The following KATNAL2 variants were observed in gnomAD, a reference collection of about 807,000 sequenced individuals.
The protein encoded by KATNAL2 is katanin catalytic subunit A1 like 2.
A neutral mutation model predicts 76.3 loss-of-function variants in KATNAL2; 52 were observed. The ratio of observed to expected loss-of-function variants is 0.68; its 90% CI spans 0.55 to 0.86. The LOEUF (loss-of-function observed/expected upper bound fraction) is 0.86, where lower values mean the gene tolerates loss of function less well. Among genes scored for constraint, KATNAL2 ranks in the 40% least tolerant of loss-of-function variants. The pLI is 0.00. For missense variants in KATNAL2, 660 were observed against 668.9 expected, an observed-to-expected ratio of 0.99 and a Z score of 0.15; for synonymous variants, 243 against 244.2, an observed-to-expected ratio of 1.00 and a Z score of 0.05.
At chr18:46,936,104 C>CA (rs1170533784) in intron 1 of KATNAL2, among the ~76,000 whole-genome samples, 4 of 152,104 alleles carry the variant, frequency 2.6e-5, no homozygotes, top group Non-Finnish European at 5.9e-5. Flanking sequence ...GAGAAACAGA[C>CA]AAAATCCACT....
intron 6 of KATNAL2, among the ~76,000 whole-genome samples, chr18:47,056,786 T>A (rs1041009740): frequency 6.6e-6 from 1 of 151,820 alleles, no homozygotes; most frequent in Non-Finnish European, 1.5e-5. Context: ...ACAAGGATGG[T>A]GAGGCAAGTT....
chr18:47,086,844 A>G (rs138908704), intron 15 of KATNAL2, among the ~76,000 whole-genome samples: 1 of 152,342 alleles, frequency 6.6e-6, no homozygotes, highest in Non-Finnish European at 1.5e-5. Flanking sequence ...ACTAAGCAGT[A>G]ACCTTGCTCT....
intron 3 of KATNAL2, chr18:47,035,656 T>C (rs2060740323): frequency 2.6e-6 from 1 of 391,732 alleles, no homozygotes; most frequent in Non-Finnish European, 4.9e-6. Flanking sequence ...TACGTACTCA[T>C]GCCGTCAGCA....
At chr18:47,087,752 C>CTG (rs35852657) in intron 15 of KATNAL2, among the ~76,000 whole-genome samples, 4,696 of 148,512 alleles carry the variant, frequency 0.032, 180 homozygotes, top group African/African-American at 0.095. Flanking sequence ...TCTTTTACAT[C>CTG]TGTGTGTGTG....
At chr18:46,930,383 A>G (rs1286869764) in intron 1 of KATNAL2, among the ~76,000 whole-genome samples, 1 of 152,226 alleles carries the variant, frequency 6.6e-6, no homozygotes, top group Non-Finnish European at 1.5e-5. Flanking sequence ...AAATTTATAG[A>G]CTATGAGTTA....
intron 3 of KATNAL2, among the ~76,000 whole-genome samples, chr18:46,952,275 A>G (rs1431391025): frequency 6.6e-6 from 1 of 150,662 alleles, no homozygotes; most frequent in Non-Finnish European, 1.5e-5. Context: ...GGATCTCACT[A>G]TGTTGCACAG....
intron 10 of KATNAL2, among the ~76,000 whole-genome samples, chr18:47,066,172 C>T (rs2061786478): frequency 6.6e-6 from 1 of 151,624 alleles, no homozygotes; most frequent in Non-Finnish European, 1.5e-5. Flanking sequence ...TAATTAGTTT[C>T]AGATTTTTTC....
intron 15 of KATNAL2, among the ~76,000 whole-genome samples, chr18:47,096,336 T>TA (rs575480654): frequency 1.3e-5 from 2 of 152,286 alleles, no homozygotes; most frequent in Admixed American, 1.3e-4. Flanking sequence ...TACTCTTTTT[T>TA]AAAAAATATT....
intron 3 of KATNAL2, among the ~76,000 whole-genome samples, chr18:46,955,688 G>A (rs1398670476): frequency 2.6e-5 from 4 of 151,948 alleles, no homozygotes; most frequent in Admixed American, 1.3e-4. Context: ...AGTAGCTGGG[G>A]CCACAGGCAT....
intron 15 of KATNAL2, among the ~76,000 whole-genome samples, chr18:47,089,551 G>T (rs1334747243): frequency 6.6e-6 from 1 of 152,006 alleles, no homozygotes; most frequent in African/African-American, 2.4e-5. Flanking sequence ...GTATCCTCAG[G>T]CCTCATGCTT....
At chr18:46,963,211 C>CT in intron 3 of KATNAL2, 3 of 1,080,920 alleles carry the variant, frequency 2.8e-6, no homozygotes, top group Non-Finnish European at 3.7e-6. Context: ...TCCTTGAAGT[C>CT]CTGGAGGCAA....
At chr18:47,034,974 C>T (rs1372768998) in intron 3 of KATNAL2, 1 of 1,611,680 alleles carries the variant, frequency 6.2e-7, no homozygotes, top group Non-Finnish European at 8.5e-7. Flanking sequence ...CCCCGAAGCG[C>T]TGTCGGGAAG....
intron 3 of KATNAL2, chr18:47,035,349 G>A: frequency 6.3e-7 from 1 of 1,598,566 alleles, no homozygotes; most frequent in Non-Finnish European, 8.5e-7. Context: ...GGGGTGGCCG[G>A]TCCTCGCTGC....
intron 15 of KATNAL2, among the ~76,000 whole-genome samples, chr18:47,088,706 G>A (rs1004763106): frequency 2.0e-5 from 3 of 152,196 alleles, no homozygotes; most frequent in African/African-American, 7.2e-5. Flanking sequence ...AGGGACCACA[G>A]ACGTGTGCCA....
chr18:47,051,986 A>G (rs2061353097), intron 4 of KATNAL2, among the ~76,000 whole-genome samples: 1 of 152,246 alleles, frequency 6.6e-6, no homozygotes, highest in Non-Finnish European at 1.5e-5. Context: ...TTCAAATGAA[A>G]CAGAAAGAAC....
intron 3 of KATNAL2, among the ~76,000 whole-genome samples, chr18:47,040,232 G>A (rs560391360): frequency 6.6e-6 from 1 of 152,348 alleles, no homozygotes; most frequent in South Asian, 2.1e-4. Context: ...AATTGTAAAA[G>A]ACATCATTCA....
At chr18:46,952,494 G>T (rs565605556) in intron 3 of KATNAL2, among the ~76,000 whole-genome samples, 25 of 149,594 alleles carry the variant, frequency 1.7e-4, no homozygotes, top group African/African-American at 5.7e-4. Flanking sequence ...CCGCCTCCCG[G>T]GTTCAAGCGA....
chr18:46,951,561 C>T (rs945088154), intron 3 of KATNAL2, among the ~76,000 whole-genome samples: 1 of 151,810 alleles, frequency 6.6e-6, no homozygotes, highest in Non-Finnish European at 1.5e-5. Context: ...AATCCTGCTT[C>T]CTGGGCTCCA....
Position 47,069,270 on chromosome 18 carries a change from G to C in KATNAL2, c.876G>C (p.Leu292=), listed in dbSNP as rs145817907. 3 of 1,610,256 alleles carry C rather than the reference G, an allele frequency of 1.9e-6. No homozygotes were observed. In the African/African-American group the frequency reaches 4.0e-5, roughly 22 times the overall value. The change falls in exon 12 of 18, where the codon CTG becomes CTC. Residue 292 remains leucine (L), a synonymous_variant. Coordinates refer to ENST00000683218, the MANE Select transcript of KATNAL2 (RefSeq NM_001387690.1). ...GILSPWKGLL[L]YGPPGTGKTL... ...TTTCTCCCTGGAAAGGACTACTGCT[G>C]TACGGCCCTCCAGGTAAACACAGCT...
Sources: allele counts gnomAD v4.1 joint callset (sites outside exome capture counted in the v4.1 genomes callset), GRCh38; gene constraint gnomAD v4.1.1; transcripts MANE v1.5; gene names NCBI Gene and HGNC (gene_info 2026-07-23, HGNC 2026-07-21).